The following PRKG1 variants were observed in gnomAD, a reference collection of about 807,000 sequenced individuals.
PRKG1 encodes the protein cGMP-dependent protein kinase 1.
PRKG1 carries 35 observed loss-of-function variants against 88.1 expected under a neutral mutation model. The ratio of observed to expected loss-of-function variants is 0.40; its 90% CI spans 0.30 to 0.53. The LOEUF (loss-of-function observed/expected upper bound fraction) is 0.53, where lower values mean the gene tolerates loss of function less well. Among genes scored for constraint, PRKG1 ranks in the 20% least tolerant of loss-of-function variants. The probability of loss-of-function intolerance (pLI) is 0.59; values close to 1 mark genes in which losing one functional copy is unlikely to be tolerated. For synonymous variants in PRKG1, 303 were observed against 292.5 expected, an observed-to-expected ratio of 1.04 and a Z score of -0.37; for missense variants, 540 against 839.8, an observed-to-expected ratio of 0.64 and a Z score of 4.41.
intron 3 of PRKG1, among the ~76,000 whole-genome samples, chr10:51,623,964 C>T (rs1023412987): frequency 1.3e-5 from 2 of 152,160 alleles, no homozygotes; most frequent in Non-Finnish European, 1.5e-5. Flanking sequence ...CCAGACACCA[C>T]TCCACAACCC....
At chr10:51,848,679 T>A (rs551401967) in intron 4 of PRKG1, among the ~76,000 whole-genome samples, 27 of 151,772 alleles carry the variant, frequency 1.8e-4, no homozygotes, top group African/African-American at 6.5e-4. Context: ...TTTATATTTT[T>A]ATAATTTAGT....
intron 2 of PRKG1, among the ~76,000 whole-genome samples, chr10:51,432,560 G>A (rs1269260108): frequency 6.6e-6 from 1 of 152,148 alleles, no homozygotes; most frequent in Non-Finnish European, 1.5e-5. Context: ...GAATTTCAAA[G>A]AATACTGCCT....
chr10:52,032,631 A>C (rs967358731), intron 5 of PRKG1, among the ~76,000 whole-genome samples: 6 of 152,200 alleles, frequency 3.9e-5, no homozygotes, highest in Admixed American at 3.9e-4. Flanking sequence ...TTAATTAATC[A>C]TTTGTATTTT....
At chr10:52,177,096 G>A (rs990173363) in intron 9 of PRKG1, among the ~76,000 whole-genome samples, 2 of 151,948 alleles carry the variant, frequency 1.3e-5, no homozygotes, top group Admixed American at 6.6e-5. Flanking sequence ...TCTTATTCCA[G>A]GTCTTAAAGG....
At chr10:51,991,125 T>A (rs2133128272) in intron 5 of PRKG1, among the ~76,000 whole-genome samples, 1 of 152,310 alleles carries the variant, frequency 6.6e-6, no homozygotes, top group African/African-American at 2.4e-5. Flanking sequence ...CCTCATTTCA[T>A]TTTCAGATAC....
At chr10:52,266,739 G>T (rs1841579158) in intron 10 of PRKG1, among the ~76,000 whole-genome samples, 1 of 151,670 alleles carries the variant, frequency 6.6e-6, no homozygotes, top group Admixed American at 6.6e-5. Flanking sequence ...GGAAATGAAA[G>T]CAGAGAGAGT....
intron 3 of PRKG1, among the ~76,000 whole-genome samples, chr10:51,512,377 A>T (rs572057484): frequency 0.011 from 1,360 of 121,432 alleles, 13 homozygotes; most frequent in Admixed American, 0.024. Context: ...CCAGAGTGTG[A>T]TATTCCCCTT....
intron 1 of PRKG1, among the ~76,000 whole-genome samples, chr10:51,105,480 G>T (rs1844810096): frequency 6.6e-6 from 1 of 152,200 alleles, no homozygotes; most frequent in Non-Finnish European, 1.5e-5. Context: ...TTCAAAGACA[G>T]TGCACGAAGG....
intron 2 of PRKG1, among the ~76,000 whole-genome samples, chr10:51,290,268 A>G (rs1300761044): frequency 1.3e-5 from 2 of 152,130 alleles, no homozygotes; most frequent in East Asian, 3.9e-4. Flanking sequence ...AAGACGAGTA[A>G]CAAAGAATTA....
chr10:51,844,838 C>T (rs928125775), intron 4 of PRKG1, among the ~76,000 whole-genome samples: 41 of 152,088 alleles, frequency 2.7e-4, no homozygotes, highest in African/African-American at 8.0e-4. Context: ...TCACACAGTC[C>T]GACAAAAATG....
At chr10:51,416,587 A>T (rs377527377) in intron 2 of PRKG1, among the ~76,000 whole-genome samples, 4 of 152,200 alleles carry the variant, frequency 2.6e-5, no homozygotes, top group African/African-American at 9.7e-5. Context: ...AAAATAATCT[A>T]CTTTATAGGA....
chr10:51,986,446 CA>C (rs927549687), intron 5 of PRKG1, among the ~76,000 whole-genome samples: 2 of 152,140 alleles, frequency 1.3e-5, no homozygotes, highest in Non-Finnish European at 2.9e-5. Flanking sequence ...AAAAGTTAAG[CA>C]AAAAGCACTA....
At chr10:51,855,044 G>T in intron 4 of PRKG1, among the ~76,000 whole-genome samples, 1 of 152,090 alleles carries the variant, frequency 6.6e-6, no homozygotes, top group East Asian at 1.9e-4. Flanking sequence ...ATAATAAATT[G>T]GTTTCTTAAA....
chr10:51,392,976 C>A (rs1411321480), intron 2 of PRKG1, among the ~76,000 whole-genome samples: 1 of 146,428 alleles, frequency 6.8e-6, no homozygotes, highest in Non-Finnish European at 1.5e-5. Context: ...CCACCTCCCT[C>A]CCGGACAGGG....
chr10:52,053,936 AT>A (rs1846049119), intron 5 of PRKG1, among the ~76,000 whole-genome samples: 1 of 152,196 alleles, frequency 6.6e-6, no homozygotes, highest in Non-Finnish European at 1.5e-5. Flanking sequence ...TCAAAGGAAG[AT>A]TTTTACATGC....
At chr10:51,470,707 C>T (rs1375506468) in intron 3 of PRKG1, among the ~76,000 whole-genome samples, 1 of 151,876 alleles carries the variant, frequency 6.6e-6, no homozygotes, top group African/African-American at 2.4e-5. Flanking sequence ...ATGATCAGTA[C>T]ACCTGTGGAT....
intron 12 of PRKG1, among the ~76,000 whole-genome samples, chr10:52,277,369 C>T (rs934803419): frequency 1.3e-5 from 2 of 152,138 alleles, no homozygotes; most frequent in African/African-American, 4.8e-5. Flanking sequence ...GAAAATACTT[C>T]ATCCCTATTC....
At chr10:51,765,888 G>T (rs1257423837) in intron 3 of PRKG1, among the ~76,000 whole-genome samples, 1 of 150,396 alleles carries the variant, frequency 6.6e-6, no homozygotes, top group Non-Finnish European at 1.5e-5. Flanking sequence ...CAGGCAGGCT[G>T]GCTTAAAACA....
chr10:51,922,297 G>A (rs1406648465), intron 5 of PRKG1, among the ~76,000 whole-genome samples: 2 of 878 alleles, frequency 2.3e-3, no homozygotes, highest in Middle Eastern at 0.25. Flanking sequence ...TTTTTTCTTG[G>A]TTAGCCTTGT....
Sources: gnomAD v4.1 joint callset for allele counts (sites outside exome capture counted in the v4.1 genomes callset) on GRCh38, gnomAD v4.1.1 for gene constraint, MANE v1.5 for transcripts, NCBI Gene and HGNC (gene_info 2026-07-23, HGNC 2026-07-21) for gene names.